Variants in ATF5 observed in about 807,000 individuals in gnomAD.
ATF5 encodes the protein activating transcription factor 5, also known as cyclic AMP-dependent transcription factor ATF-5.
A neutral mutation model predicts 4.6 loss-of-function variants in ATF5; 6 were observed. The ratio of observed to expected loss-of-function variants is 1.31; its 90% CI spans 0.72 to 2.59. ATF5 has a LOEUF of 2.59. Ranked by LOEUF, ATF5 falls within the 30% of genes most tolerant of loss-of-function variation. The pLI, the probability that ATF5 is intolerant of heterozygous loss-of-function variation, is 0.00. For missense variants in ATF5, 410 were observed against 368.7 expected (o/e 1.11, Z -0.92); for synonymous variants, 193 against 165.0 (o/e 1.17, Z -1.30).
chr19:49,932,759 G>A lies in ATF5; in HGVS notation c.516G>A (p.Gln172=). The A allele has an allele frequency of 6.2e-7, 1 of 1,608,570 alleles. No homozygotes were observed. Among genetic ancestry groups the A allele is most frequent in the Admixed American group, 1.7e-5 (1 of 59,454 alleles). Residue 172 remains glutamine, a synonymous_variant, in exon 3 of 3, where the codon CAG becomes CAA. Transcript: ENST00000423777. ...LAIYCRNEAG[Q]EEVGMPPLPP... Reference sequence around the variant, plus strand: ...TCTACTGCCGCAACGAGGCCGGGCAGGAGGAAGTGGGGATGCCGCCTCTGC... The same window carrying A: ...TCTACTGCCGCAACGAGGCCGGGCAAGAGGAAGTGGGGATGCCGCCTCTGC...
Position 49,930,910 on chromosome 19 carries a change from G to A in ATF5, c.60G>A (p.Gly20=), listed in dbSNP as rs150212158. ...ELDRALLPAS[G]LGWLVDYGKL... The stretch of plus-strand genomic sequence containing the variant: ...ACAGGGCCCTGCTCCCAGCTAGTGG[G>A]CTGGGATGGCTCGTAGACTATGGGA... The change falls in exon 2 of 3, where the codon GGG becomes GGA. Residue 20 remains glycine (G), a synonymous_variant. Transcript: ENST00000423777. 3.7e-3 allele frequency: 5,970 copies of A among 1,612,082 alleles called. 16 individuals carry two copies. The highest frequency in any genetic ancestry group is 5.5e-3 in the South Asian group (502 of 90,622).
chr19:49,930,979 T>A lies in ATF5; in HGVS notation c.129T>A (p.Leu43=), dbSNP rs1240686076. The A allele has an allele frequency of 6.3e-7, 1 of 1,583,194 alleles. No homozygotes were observed. Among genetic ancestry groups the A allele is most frequent in the Non-Finnish European group, 8.6e-7 (1 of 1,165,470 alleles). ...CCCCCCTGGCTCCCTATGAGGTCCT[T>A]GGGGGAGCCCTGGAGGGCGGGCTTC... ...APAPLAPYEV[L]GGALEGGLPV... Residue 43 remains leucine, a synonymous_variant, in exon 2 of 3, where the codon CTT becomes CTA. Transcript: ENST00000423777.
chr19:49,932,755 G>T lies in ATF5; in HGVS notation c.512G>T (p.Gly171Val), dbSNP rs1258332278. 1.2e-6 allele frequency: 2 copies of T among 1,609,308 alleles called. No homozygotes were observed. The highest frequency in any genetic ancestry group is 2.2e-5 in the South Asian group (2 of 90,414). ...LLAIYCRNEA[G>V]QEEVGMPPLP... Reference sequence around the variant, plus strand: ...GCCATCTACTGCCGCAACGAGGCCGGGCAGGAGGAAGTGGGGATGCCGCCT... The same window carrying T: ...GCCATCTACTGCCGCAACGAGGCCGTGCAGGAGGAAGTGGGGATGCCGCCT... The change falls in exon 3 of 3, where the codon GGG becomes GTG. Residue 171 changes from glycine to valine, a missense_variant. By Grantham distance (109) the Gly-to-Val change is moderately radical (BLOSUM62 -3). Transcript: ENST00000423777.
chr19:49,930,499 C>G (rs973227498), intron 1 of ATF5: 18 of 229,904 alleles, frequency 7.8e-5, no homozygotes, highest in Non-Finnish European at 1.3e-4. Context: ...GGCATCGGTC[C>G]TACTTTAGGA....
At position 49,931,132 on chromosome 19, in the gene ATF5, C is replaced by G. The variant is rs1303278516; in HGVS notation, c.178+104C>G. The G allele has an allele frequency of 3.7e-6, 4 of 1,070,476 alleles. No homozygotes were observed. In the African/African-American group the frequency reaches 6.4e-5, roughly 17 times the overall value. 66.3% of individuals were successfully genotyped at this position (1,070,476 alleles called of 1,614,324 possible). A position where few individuals can be genotyped will look rare whatever the true frequency, so the allele number is the denominator to read the frequency against. ...ATAAATATTGAGTGCCTACAATGTG[C>G]CAGGCACTGTTTTAGGTGCTGAGGA... is the stretch of plus-strand genomic sequence containing the variant. On this transcript the variant is annotated intron_variant, in intron 2 of 2. Transcript: ENST00000423777.
At chr19:49,932,241 G>T (rs1265111104) in intron 2 of ATF5, among the ~76,000 whole-genome samples, 181 bp from the exon 3 acceptor site, 1 of 152,152 alleles carries the variant, frequency 6.6e-6, no homozygotes, top group African/African-American at 2.4e-5. Flanking sequence ...TTGGTTCGTT[G>T]ACTGGTTTAT....
At chr19:49,928,933 C>A (rs35018314), upstream of ATF5, 12,391 of 152,560 alleles carry the variant, frequency 0.081, 631 homozygotes, top group African/African-American at 0.14. Context: ...GAAACCAGAG[C>A]TTAGAGTCAG....
rs1438909383 is a variant in ATF5, at chr19:49,932,703, CCT to C, written c.461_462del (p.Pro154ArgfsTer80). The C allele has an allele frequency of 5.0e-6, 8 of 1,604,094 alleles. No individual in the cohort carries two copies. The highest frequency in any genetic ancestry group is 1.7e-4 in the Middle Eastern group (1 of 5,800). ...SLPSFDLPQP[P>X]VLDTLDLLAI... ...CCCCTCCTTTGACCTCCCCCAGCCC[CCT>C]GTCTTGGATACTCTGGACTTGCTGG... On this transcript the variant is annotated frameshift_variant, in exon 3 of 3. Transcript: ENST00000423777. LOFTEE classifies it low-confidence loss of function (END_TRUNC).
chr19:49,929,489 T>G (rs2076015216), intron 1 of ATF5, 89 bp downstream of exon 1: 1 of 151,178 alleles, frequency 6.6e-6, no homozygotes, highest in Non-Finnish European at 1.5e-5. Flanking sequence ...GGGTGGGGAG[T>G]CGCGAGCGGG....
At position 49,933,080 on chromosome 19, in the gene ATF5, C is replaced by T. The variant is rs566216930; in HGVS notation, c.837C>T (p.Thr279=). Residue 279 remains threonine, a synonymous_variant, in exon 3 of 3, where the codon ACC becomes ACT. Transcript: ENST00000423777. ...IEVYKARSQR[T]RSC ...TTTACAAGGCCCGGAGCCAGAGGACCCGTAGCTGCTAGAAGGGCAGGGGTG... is the reference window on the plus strand; with the variant it reads ...TTTACAAGGCCCGGAGCCAGAGGACTCGTAGCTGCTAGAAGGGCAGGGGTG... The T allele has an allele frequency of 6.3e-7, 1 of 1,590,544 alleles. No homozygotes were observed. The highest frequency in any genetic ancestry group is 1.3e-5 in the African/African-American group (1 of 74,618).
At position 49,930,825 on chromosome 19, in the gene ATF5, C is replaced by T; in HGVS notation, c.-26C>T. On this transcript the variant is annotated 5_prime_UTR_variant, in exon 2 of 3. Transcript: ENST00000423777. Reference sequence around the variant, plus strand: ...CTGGTGCAGCCTCTCCTGTTGCCATCAGTGCCCAGCACCTGTGCTACAGCC... The same window carrying T: ...CTGGTGCAGCCTCTCCTGTTGCCATTAGTGCCCAGCACCTGTGCTACAGCC... 6.5e-7 allele frequency: 1 copy of T among 1,533,228 alleles called. No individual in the cohort carries two copies. Among genetic ancestry groups the T allele is most frequent in the East Asian group, 2.3e-5 (1 of 42,934 alleles). 95.0% of individuals were successfully genotyped at this position (1,533,228 alleles called of 1,614,324 possible).
chr19:49,930,473 T>G, intron 1 of ATF5: 9 of 176,290 alleles, frequency 5.1e-5, no homozygotes, highest in East Asian at 2.9e-4. Context: ...TTTTTCTGTA[T>G]TGGGGGAAGG....
chr19:49,931,209 G>C (rs1197279387), intron 2 of ATF5, 181 bp downstream of exon 2: 1 of 493,088 alleles, frequency 2.0e-6, no homozygotes, highest in Non-Finnish European at 3.5e-6. Context: ...AGCTCACACT[G>C]TGGGGAGTAG....
At chr19:49,930,419 G>C (rs1225105422) in intron 1 of ATF5, 1 of 162,454 alleles carries the variant, frequency 6.2e-6, no homozygotes, top group Non-Finnish European at 1.3e-5. Context: ...TGAGGTGGAT[G>C]GGAGGGGCCT....
rs767971827 is a variant in ATF5, at chr19:49,932,905, C to T, written c.662C>T (p.Ala221Val). The change falls in exon 3 of 3, where the codon GCG (alanine) becomes GTG (valine). Residue 221 changes from alanine (A) to valine (V), a missense_variant. Ala to Val is a moderately conservative substitution (Grantham distance 64, BLOSUM62 0). Transcript: ENST00000423777. Reference sequence around the variant, plus strand: ...AAGAAGAGAGACCAGAACAAGTCGGCGGCTCTGAGGTACCGCCAGCGGAAG... The same window carrying T: ...AAGAAGAGAGACCAGAACAAGTCGGTGGCTCTGAGGTACCGCCAGCGGAAG... ...KQKKRDQNKS[A>V]ALRYRQRKRA... 18 of 1,613,546 alleles carry T rather than the reference C, an allele frequency of 1.1e-5. 1 individual carries two copies. The highest frequency in any genetic ancestry group is 6.6e-5 in the South Asian group (6 of 91,030).
chr19:49,932,788 C>T lies in ATF5; in HGVS notation c.545C>T (p.Pro182Leu), dbSNP rs200982509. ...GAAGTGGGGATGCCGCCTCTGCCCC[C>T]GCCACAGCAGCCCCCTCCTCCTTCT... ...QEEVGMPPLP[P>L]PQQPPPPSPP... The change falls in exon 3 of 3, where the codon CCG (proline) becomes CTG (leucine). Residue 182 changes from proline (P) to leucine (L), a missense_variant. Transcript: ENST00000423777. The T allele has an allele frequency of 8.7e-6, 14 of 1,607,582 alleles. No individual in the cohort carries two copies. The highest frequency in any genetic ancestry group is 4.4e-5 in the South Asian group (4 of 90,018).
Position 49,931,031 on chromosome 19 carries a change from AAGGGC to A in ATF5, c.178+7_178+11del. ...AGTGGGGGGAGAGCCCCTGGCAGGT[AAGGGC>A]AGGTGGAAGGTGGAGCTGGGGAGTG... On this transcript the variant is annotated splice_donor_5th_base_variant and intron_variant, in intron 2 of 2. Coordinates refer to ENST00000423777, the MANE Select transcript of ATF5 (RefSeq NM_001193646.2). 1.3e-6 allele frequency: 2 copies of A among 1,528,852 alleles called. No individual in the cohort carries two copies. Among genetic ancestry groups the A allele is most frequent in the Non-Finnish European group, 1.8e-6 (2 of 1,133,650 alleles). 94.7% of individuals were successfully genotyped at this position (1,528,852 alleles called of 1,614,324 possible).
At position 49,933,340 on chromosome 19, in the gene ATF5, A is replaced by G; in HGVS notation, c.*248A>G. On this transcript the variant is annotated 3_prime_UTR_variant, in exon 3 of 3. Transcript: ENST00000423777. ...CCCTTCTTCCCCACCAAACCACCCA[A>G]CTCCTCTCTACTCTTATCCTTTTAT... The G allele has an allele frequency of 2.5e-6, 1 of 404,350 alleles. No individual in the cohort carries two copies. Among genetic ancestry groups the G allele is most frequent in the African/African-American group, 2.1e-5 (1 of 48,026 alleles). The allele number at this position is 404,350 out of a possible 1,614,324, so 25.0% of individuals were successfully genotyped here.
At position 49,929,348 on chromosome 19, in the gene ATF5, A is replaced by G. The variant is rs2076009154; in HGVS notation, c.-172A>G. The G allele has an allele frequency of 6.5e-6, 1 of 153,914 alleles. No individual in the cohort carries two copies. Among genetic ancestry groups the G allele is most frequent in the Non-Finnish European group, 1.4e-5 (1 of 69,734 alleles). The allele number at this position is 153,914 out of a possible 1,614,324, so 9.5% of individuals were successfully genotyped here. Reference sequence around the variant, plus strand: ...CACCACGCCTGCGCTCTCCGCTCCCACCTTCTTTCTTCAGCCGAGGCCGCC... The same window carrying G: ...CACCACGCCTGCGCTCTCCGCTCCCGCCTTCTTTCTTCAGCCGAGGCCGCC... On this transcript the variant is annotated 5_prime_UTR_variant, in exon 1 of 3. Coordinates refer to ENST00000423777, the MANE Select transcript of ATF5 (RefSeq NM_001193646.2).
Sources: gnomAD v4.1 joint callset for allele counts (sites outside exome capture counted in the v4.1 genomes callset) on GRCh38, gnomAD v4.1.1 for gene constraint, MANE v1.5 for transcripts, NCBI Gene and HGNC (gene_info 2026-07-23, HGNC 2026-07-21) for gene names.